WDR31: variants seen among roughly 807,000 people sequenced by gnomAD.
WDR31 encodes WD repeat-containing protein 31.
In WDR31, 30 loss-of-function variants were observed where a neutral mutation model predicts 47.3. The ratio of observed to expected loss-of-function variants is 0.63; its 90% CI spans 0.47 to 0.86. WDR31 has a LOEUF of 0.86. WDR31 is among the 40% of genes least tolerant of loss of function. The pLI is 0.00. For missense variants in WDR31, 406 were observed against 442.9 expected (o/e 0.92, Z 0.75); for synonymous variants, 137 against 159.4 (o/e 0.86, Z 1.06).
chr9:113,330,158 T>C (rs1833565199), intron 4 of WDR31, among the ~76,000 whole-genome samples: 1 of 152,012 alleles, frequency 6.6e-6, no homozygotes, highest in South Asian at 2.1e-4. Flanking sequence ...TGGAGGACAG[T>C]GGCCCGATCT....
chr9:113,316,188 C>A lies in WDR31; in HGVS notation c.*561G>T, dbSNP rs17764563. 0.1 allele frequency: 15,713 copies of A among 152,416 alleles called. 863 individuals carry two copies. Among genetic ancestry groups the A allele is most frequent in the South Asian group, 0.18 (868 of 4,826 alleles). The allele number at this position is 152,416 out of a possible 1,614,324, so 9.4% of individuals were successfully genotyped here. A position where few individuals can be genotyped will look rare whatever the true frequency, so the allele number is the denominator to read the frequency against. On this transcript the variant is annotated 3_prime_UTR_variant, in exon 11 of 11. Coordinates refer to ENST00000374193, the MANE Select transcript of WDR31 (RefSeq NM_001012361.4). ...CTGCCACTTTGAATAGAAGTCCAAG[C>A]TTTCGCTTTCTTGCCCTGACTTTGA...
intron 7 of WDR31, 25 bp from the exon 8 acceptor site, chr9:113,321,603 C>A: frequency 6.2e-7 from 1 of 1,605,800 alleles, no homozygotes; most frequent in Non-Finnish European, 8.5e-7. Context: ...ATGTTCAGAA[C>A]TTCTCCACAC....
chr9:113,323,335 C>T (rs1423769421), intron 5 of WDR31, among the ~76,000 whole-genome samples, 180 bp from the exon 6 acceptor site: 1 of 151,928 alleles, frequency 6.6e-6, no homozygotes, highest in African/African-American at 2.4e-5. Context: ...GATCTCAGCT[C>T]ACTGCAACCT....
intron 2 of WDR31, among the ~76,000 whole-genome samples, chr9:113,334,703 C>CTTT (rs71367719): frequency 1.3e-4 from 8 of 63,034 alleles, no homozygotes; most frequent in African/African-American, 2.7e-4. Flanking sequence ...CTACATCAGG[C>CTTT]TTTTTTTTTT....
intron 5 of WDR31, among the ~76,000 whole-genome samples, chr9:113,324,131 A>G (rs1192714776): frequency 6.6e-6 from 1 of 152,064 alleles, no homozygotes; most frequent in Non-Finnish European, 1.5e-5. Context: ...TTGTGTAACC[A>G]TCACCACTAT....
At chr9:113,326,423 CTTTT>C (rs1245621306) in intron 5 of WDR31, among the ~76,000 whole-genome samples, 4 of 146,860 alleles carry the variant, frequency 2.7e-5, no homozygotes, top group South Asian at 2.2e-4. Flanking sequence ...TTCTTTCTTT[CTTTT>C]TCTTTTTCTC....
intron 2 of WDR31, among the ~76,000 whole-genome samples, chr9:113,334,162 C>G (rs1207815178): frequency 1.3e-5 from 2 of 151,992 alleles, no homozygotes; most frequent in Non-Finnish European, 2.9e-5. Context: ...CACCATCATG[C>G]CCAGCTAATT....
rs562376541 is a variant in WDR31 at position 113,332,075 on chromosome 9, T to A, written c.-28-25A>T. 2.1e-5 allele frequency: 31 copies of A among 1,509,966 alleles called. No individual in the cohort carries two copies. In the African/African-American group the frequency reaches 2.8e-4, roughly 13 times the overall value. The allele number at this position is 1,509,966 out of a possible 1,614,324, so 93.5% of individuals were successfully genotyped here. A position where few individuals can be genotyped will look rare whatever the true frequency, so the allele number is the denominator to read the frequency against. On this transcript the variant is annotated intron_variant, in intron 2 of 10. Transcript: ENST00000374193. ...CCTGTTTAATAAAAAGAAGAATACA[T>A]GTTGTTAATTTTGTTAGGCACAATA...
intron 4 of WDR31, 149 bp downstream of exon 4, chr9:113,330,835 G>C: frequency 1.1e-6 from 1 of 881,520 alleles, no homozygotes; most frequent in South Asian, 3.0e-5. Flanking sequence ...TGGCCAAGCA[G>C]GGATTTAAAT....
intron 1 of WDR31, among the ~76,000 whole-genome samples, chr9:113,337,200 A>C (rs1833732208): frequency 6.6e-6 from 1 of 152,124 alleles, no homozygotes; most frequent in African/African-American, 2.4e-5. Flanking sequence ...AACCTCTCTA[A>C]GTCTCACTTT....
At chr9:113,320,582 G>A (rs1436778005) in intron 8 of WDR31, 84 bp from the exon 9 acceptor site, 21 of 1,530,416 alleles carry the variant, frequency 1.4e-5, no homozygotes, top group African/African-American at 2.7e-5. Flanking sequence ...AAAAAGTCTT[G>A]GCTCTTTGCT....
chr9:113,322,408 AG>A (rs1448995113), intron 7 of WDR31, among the ~76,000 whole-genome samples: 2 of 152,114 alleles, frequency 1.3e-5, no homozygotes, highest in African/African-American at 4.8e-5. Context: ...TTCTACATAA[AG>A]CAAAAGGTAA....
intron 8 of WDR31, among the ~76,000 whole-genome samples, chr9:113,321,293 A>C (rs968617531): frequency 1.3e-5 from 2 of 152,234 alleles, no homozygotes; most frequent in Non-Finnish European, 2.9e-5. Context: ...CATCCAAAAC[A>C]GGGGCTTTTA....
rs757008372 is a variant in WDR31 at position 113,328,895 on chromosome 9, G to A, written c.310C>T (p.His104Tyr). The A allele has an allele frequency of 6.2e-7, 1 of 1,613,800 alleles. No homozygotes were observed. The highest frequency in any genetic ancestry group is 1.1e-5 in the South Asian group (1 of 91,078). The change falls in exon 5 of 11, where the codon CAT (histidine) becomes TAT (tyrosine). Residue 104 changes from histidine to tyrosine, a missense_variant. Physicochemically the swap from His to Tyr is moderately conservative, Grantham distance 83. Coordinates refer to ENST00000374193, the MANE Select transcript of WDR31 (RefSeq NM_001012361.4). ...TTGAAAATTACCTTGGTGATCTCAT[G>A]TTCATGTCCTTTGAACCTTTTCACC... is the stretch of plus-strand genomic sequence containing the variant. Reference protein sequence around the residue: ...NVVKRFKGHEHEITKVACIPK... With the variant: ...NVVKRFKGHEYEITKVACIPK...
chr9:113,329,665 G>C (rs574421350), intron 4 of WDR31, among the ~76,000 whole-genome samples: 1 of 150,396 alleles, frequency 6.6e-6, no homozygotes. Context: ...GATTTCAGAA[G>C]TGTTAAAATG....
In WDR31 at chr9:113,316,683, G is replaced by C. The variant is rs1286329382; in HGVS notation, c.*66C>G. ...ATCCCACTCCCCTCAAGATAACTGG[G>C]AAAGACACAAAGCCATGCTGAGGAG... is the stretch of plus-strand genomic sequence containing the variant. On this transcript the variant is annotated 3_prime_UTR_variant, in exon 11 of 11. Transcript: ENST00000374193. 1 of 1,545,718 alleles carries C rather than the reference G, an allele frequency of 6.5e-7. No homozygotes were observed. Among genetic ancestry groups the C allele is most frequent in the East Asian group, 2.3e-5 (1 of 44,302 alleles).
At chr9:113,318,442 T>C (rs1024328123) in intron 10 of WDR31, 33 bp downstream of exon 10, 1 of 1,613,338 alleles carries the variant, frequency 6.2e-7, no homozygotes, top group African/African-American at 1.3e-5. Context: ...ACTTCATGTA[T>C]CTTTTGAGGA....
intron 7 of WDR31, among the ~76,000 whole-genome samples, chr9:113,322,080 T>G (rs1053096625): frequency 1.3e-5 from 2 of 151,478 alleles, no homozygotes; most frequent in Non-Finnish European, 2.9e-5. Context: ...GCAGTCATCT[T>G]CAAAATTAGA....
chr9:113,337,009 T>C (rs895454475), intron 1 of WDR31, among the ~76,000 whole-genome samples: 1 of 152,242 alleles, frequency 6.6e-6, no homozygotes, highest in Admixed American at 6.5e-5. Flanking sequence ...TTATTGCATT[T>C]TAATAACTCA....
Sources: gnomAD v4.1 joint callset for allele counts (sites outside exome capture counted in the v4.1 genomes callset) on GRCh38, gnomAD v4.1.1 for gene constraint, MANE v1.5 for transcripts, NCBI Gene and HGNC (gene_info 2026-07-23, HGNC 2026-07-21) for gene names.